Variants in GFRA1 observed in about 807,000 individuals in gnomAD.
The protein encoded by GFRA1 is GDNF family receptor alpha-1.
In GFRA1, 16 loss-of-function variants were observed where a neutral mutation model predicts 51.6. The ratio of observed to expected loss-of-function variants is 0.31; its 90% CI spans 0.21 to 0.47. The LOEUF is 0.47. Among genes scored for constraint, GFRA1 ranks in the 20% least tolerant of loss-of-function variants. GFRA1 has a pLI of 1.00. For synonymous variants in GFRA1, 270 were observed against 241.3 expected, an observed-to-expected ratio of 1.12 and a Z score of -1.10; for missense variants, 530 against 594.3, an observed-to-expected ratio of 0.89 and a Z score of 1.13.
chr10:116,196,397 G>C (rs560790752), intron 5 of GFRA1, among the ~76,000 whole-genome samples: 9 of 149,946 alleles, frequency 6.0e-5, no homozygotes, highest in Admixed American at 4.0e-4. Context: ...GCTGAGGCAG[G>C]AGAATCGCTT....
At position 116,089,758 on chromosome 10, in the gene GFRA1, G is replaced by C. The variant is rs766830904; in HGVS notation, c.1180C>G (p.Pro394Ala). ...GTTCTCACCTGTAAATTTGCACACGGTGGCAAAACATGAGTGGGAATTTCA... is the reference window on the plus strand; with the variant it reads ...GTTCTCACCTGTAAATTTGCACACGCTGGCAAAACATGAGTGGGAATTTCA... ...ENEIPTHVLP[P>A]CANLQAQKLK... The change falls in exon 9 of 11, where the codon CCG becomes GCG. Residue 394 changes from proline to alanine, a missense_variant. Coordinates refer to ENST00000355422, the MANE Select transcript of GFRA1 (RefSeq NM_005264.8). The C allele has an allele frequency of 6.2e-7, 1 of 1,614,032 alleles. No individual in the cohort carries two copies.
rs576291424 is a variant in GFRA1, at chr10:116,060,838, C to T, written c.*3560G>A. 3 of 152,198 alleles carry T rather than the reference C, an allele frequency of 2.0e-5. No homozygotes were observed. In the East Asian group the frequency reaches 5.8e-4, roughly 29 times the overall value. The allele number at this position is 152,198 out of a possible 1,614,324, so 9.4% of individuals were successfully genotyped here. The stretch of plus-strand genomic sequence containing the variant: ...GTCTAACTAACTGCATGAATGAAAA[C>T]TTATTTTCCAAAAGACAGCTCCTCT... On this transcript the variant is annotated 3_prime_UTR_variant, in exon 11 of 11. Transcript: ENST00000355422.
At chr10:116,192,105 T>C (rs1029040955) in intron 5 of GFRA1, among the ~76,000 whole-genome samples, 4 of 152,206 alleles carry the variant, frequency 2.6e-5, no homozygotes, top group African/African-American at 9.6e-5. Flanking sequence ...TCTTTCGTCC[T>C]TGTCTGTGAC....
Position 116,063,197 on chromosome 10 carries a change from G to A in GFRA1, c.*1201C>T, listed in dbSNP as rs993385415. 4 of 152,234 alleles carry A rather than the reference G, an allele frequency of 2.6e-5. No homozygotes were observed. The highest frequency in any genetic ancestry group is 7.2e-5 in the African/African-American group (3 of 41,464). 9.4% of individuals were successfully genotyped at this position (152,234 alleles called of 1,614,324 possible). On this transcript the variant is annotated 3_prime_UTR_variant, in exon 11 of 11. Coordinates refer to ENST00000355422, the MANE Select transcript of GFRA1 (RefSeq NM_005264.8). ...CAGATAACCTGAAAACCAAGGTACT[G>A]GATTGTGTCATGACAAGTGTGTCAA...
chr10:116,177,455 G>C (rs571136782), intron 5 of GFRA1, among the ~76,000 whole-genome samples: 1 of 152,208 alleles, frequency 6.6e-6, no homozygotes, highest in Admixed American at 6.5e-5. Flanking sequence ...GGGGTTAGGG[G>C]TGCTCATGAG....
chr10:116,198,463 T>C (rs1332668888), intron 5 of GFRA1, among the ~76,000 whole-genome samples: 4 of 152,234 alleles, frequency 2.6e-5, no homozygotes, highest in East Asian at 1.9e-4. Context: ...CTTTGTCTGT[T>C]CTGTAAAAGC....
intron 5 of GFRA1, among the ~76,000 whole-genome samples, chr10:116,139,260 G>A (rs1019838170): frequency 6.6e-6 from 1 of 152,182 alleles, no homozygotes. Flanking sequence ...TTTCACACAA[G>A]CATGTTGGTT....
At chr10:116,236,468 G>T (rs1966881493) in intron 4 of GFRA1, among the ~76,000 whole-genome samples, 1 of 152,042 alleles carries the variant, frequency 6.6e-6, no homozygotes, top group African/African-American at 2.4e-5. Flanking sequence ...CTGTGAATAA[G>T]AACTAAATTA....
intron 5 of GFRA1, among the ~76,000 whole-genome samples, chr10:116,178,399 G>A (rs74422127): frequency 0.051 from 7,684 of 152,094 alleles, 274 homozygotes; most frequent in African/African-American, 0.11. Context: ...TTATTTGAAT[G>A]TCTCTTGGCC....
intron 4 of GFRA1, among the ~76,000 whole-genome samples, chr10:116,238,243 A>C (rs866171130): frequency 6.6e-6 from 1 of 152,084 alleles, no homozygotes; most frequent in African/African-American, 2.4e-5. Flanking sequence ...CGTGTCTTTC[A>C]ATGTGGCAGG....
intron 9 of GFRA1, among the ~76,000 whole-genome samples, chr10:116,078,891 G>T (rs1955730947): frequency 6.6e-6 from 1 of 152,032 alleles, no homozygotes; most frequent in Non-Finnish European, 1.5e-5. Context: ...CTGTGCTATG[G>T]GCTCAGCGTT....
intron 5 of GFRA1, among the ~76,000 whole-genome samples, chr10:116,159,702 T>A (rs1465100458): frequency 6.6e-6 from 1 of 152,064 alleles, no homozygotes; most frequent in Non-Finnish European, 1.5e-5. Flanking sequence ...CATGGACAAG[T>A]GAAGTGGGAG....
chr10:116,184,490 T>C (rs898430742), intron 5 of GFRA1, among the ~76,000 whole-genome samples: 24 of 152,324 alleles, frequency 1.6e-4, no homozygotes, highest in African/African-American at 5.5e-4. Context: ...ACATCTTCCT[T>C]CATGAGGCCT....
chr10:116,154,046 AC>A (rs2134149297), intron 5 of GFRA1, among the ~76,000 whole-genome samples: 1 of 152,372 alleles, frequency 6.6e-6, no homozygotes, highest in Admixed American at 6.5e-5. Flanking sequence ...ATAGTGAGAT[AC>A]CACTACACAC....
At chr10:116,263,719 G>A (rs1044428253) in intron 4 of GFRA1, among the ~76,000 whole-genome samples, 3 of 152,220 alleles carry the variant, frequency 2.0e-5, no homozygotes, top group African/African-American at 4.8e-5. Flanking sequence ...ACCTGGGAAT[G>A]AGGAGGTCAG....
chr10:116,257,403 T>G (rs1278789930), intron 4 of GFRA1, among the ~76,000 whole-genome samples: 1 of 151,650 alleles, frequency 6.6e-6, no homozygotes, highest in Non-Finnish European at 1.5e-5. Context: ...TGCTGGGCTC[T>G]GTGCACTTGG....
At chr10:116,131,865 T>G (rs1958115475) in intron 5 of GFRA1, among the ~76,000 whole-genome samples, 1 of 144,418 alleles carries the variant, frequency 6.9e-6, no homozygotes, top group Non-Finnish European at 1.5e-5. Context: ...AGAGATAGTA[T>G]GCTTAAGGTT....
intron 5 of GFRA1, among the ~76,000 whole-genome samples, chr10:116,183,839 GTGTT>G (rs774606871): frequency 6.6e-6 from 1 of 152,208 alleles, no homozygotes; most frequent in Non-Finnish European, 1.5e-5. Context: ...GGCTGAGAGA[GTGTT>G]TGGTCCCTCT....
chr10:116,096,080 A>G (rs1414340275), intron 7 of GFRA1, among the ~76,000 whole-genome samples: 2 of 152,186 alleles, frequency 1.3e-5, no homozygotes, highest in Non-Finnish European at 2.9e-5. Context: ...GGGTCTTGAA[A>G]GACAGAAAAT....
Sources: allele counts gnomAD v4.1 joint callset (sites outside exome capture counted in the v4.1 genomes callset), GRCh38; gene constraint gnomAD v4.1.1; transcripts MANE v1.5; gene names NCBI Gene and HGNC (gene_info 2026-07-23, HGNC 2026-07-21).